Variants in SLC8A1 observed in about 807,000 individuals in gnomAD.
The protein encoded by SLC8A1 is solute carrier family 8 member A1.
A neutral mutation model predicts 68.3 loss-of-function variants in SLC8A1; 18 were observed. The ratio of observed to expected loss-of-function variants is 0.26; its 90% CI spans 0.18 to 0.39. SLC8A1 has a LOEUF of 0.39. Among genes scored for constraint, SLC8A1 ranks in the 10% least tolerant of loss-of-function variants. SLC8A1 has a pLI of 1.00. For synonymous variants in SLC8A1, 475 were observed against 415.5 expected, an observed-to-expected ratio of 1.14 and a Z score of -1.74; for missense variants, 985 against 1,156.7, an observed-to-expected ratio of 0.85 and a Z score of 2.15.
intron 2 of SLC8A1, among the ~76,000 whole-genome samples, chr2:40,253,015 GTATA>G (rs1280001234): frequency 6.6e-5 from 7 of 105,504 alleles, no homozygotes; most frequent in African/African-American, 2.1e-4. Context: ...ATATGTATCT[GTATA>G]TATGTATATA....
intron 1 of SLC8A1, among the ~76,000 whole-genome samples, chr2:40,492,257 T>G (rs1376006855): frequency 6.6e-6 from 1 of 152,162 alleles, no homozygotes; most frequent in Admixed American, 6.5e-5. Context: ...GATTCCCTAT[T>G]TTATAAATCG....
chr2:40,330,388 GT>G lies in SLC8A1; in HGVS notation c.1808+98084del, dbSNP rs558639751. ...TTTTACCTCTTTGAAAACTATGTGT[GT>G]TGTTGGACTAAACGTAAGAAAAGAA... On this transcript the variant is annotated intron_variant, in intron 2 of 7. Coordinates refer to ENST00000406785, the Ensembl canonical transcript of SLC8A1. 6.2e-4 allele frequency among the ~76,000 whole-genome samples: 94 copies of G among 152,266 alleles called. 1 individual carries two copies. In the South Asian group the frequency reaches 0.019, roughly 31 times the overall value.
At position 40,163,655 on chromosome 2, in the gene SLC8A1, C is replaced by G. The variant is rs111378872; in HGVS notation, c.2061+1199G>C. ...TGGGGGTCTAATGATCGGGGTCTGC[C>G]TAGAAAGCATTGGTTCCACTGTTTA... On this transcript the variant is annotated intron_variant, in intron 5 of 7. Transcript: ENST00000406785. Among the ~76,000 whole-genome samples the G allele has an allele frequency of 2.6e-3, 389 of 152,212 alleles. 1 individual carries two copies. Among genetic ancestry groups the G allele is most frequent in the African/African-American group, 8.8e-3 (364 of 41,558 alleles).
chr2:40,399,316 T>TC (rs1163674648), intron 2 of SLC8A1, among the ~76,000 whole-genome samples: 4 of 151,276 alleles, frequency 2.6e-5, no homozygotes, highest in African/African-American at 9.7e-5. Context: ...ACCCCTCGTC[T>TC]CCCCTACCCC....
chr2:40,308,902 T>A (rs996837307), intron 2 of SLC8A1, among the ~76,000 whole-genome samples: 1 of 152,186 alleles, frequency 6.6e-6, no homozygotes, highest in Non-Finnish European at 1.5e-5. Context: ...AGAGCATAAA[T>A]CTTCCTGGGG....
At chr2:40,388,761 C>A (rs2041763) in intron 2 of SLC8A1, among the ~76,000 whole-genome samples, 1 of 151,868 alleles carries the variant, frequency 6.6e-6, no homozygotes, top group Admixed American at 6.6e-5. Flanking sequence ...CTAAAACATT[C>A]TGTTAATTTT....
At chr2:40,137,777 A>G (rs1205063305) in intron 7 of SLC8A1, among the ~76,000 whole-genome samples, 1 of 152,086 alleles carries the variant, frequency 6.6e-6, no homozygotes, top group African/African-American at 2.4e-5. Flanking sequence ...GAACGACTTC[A>G]AACAGCCCTG....
At chr2:40,438,430 C>T (rs1320060493) in intron 1 of SLC8A1, among the ~76,000 whole-genome samples, 4 of 152,116 alleles carry the variant, frequency 2.6e-5, no homozygotes, top group Non-Finnish European at 4.4e-5. Context: ...AGGCAATGAA[C>T]CCTTCATTTA....
intron 1 of SLC8A1, among the ~76,000 whole-genome samples, chr2:40,457,136 T>C (rs1297561988): frequency 6.6e-6 from 1 of 152,212 alleles, no homozygotes; most frequent in Non-Finnish European, 1.5e-5. Context: ...AAATTTTGAT[T>C]GTCACATTAC....
At chr2:40,393,172 C>T (rs1489424543) in intron 2 of SLC8A1, among the ~76,000 whole-genome samples, 1 of 152,004 alleles carries the variant, frequency 6.6e-6, no homozygotes, top group Admixed American at 6.6e-5. Flanking sequence ...GTTACAAAAT[C>T]CAAAACATAC....
intron 2 of SLC8A1, 117 bp downstream of exon 2, chr2:40,428,356 T>C (rs1336251639): frequency 7.8e-6 from 11 of 1,406,192 alleles, no homozygotes; most frequent in Non-Finnish European, 1.0e-5. Flanking sequence ...ATAAAAGCTA[T>C]TCCATTCCTT....
chr2:40,346,564 T>C (rs1410028378), intron 2 of SLC8A1, among the ~76,000 whole-genome samples: 1 of 152,044 alleles, frequency 6.6e-6, no homozygotes, highest in Non-Finnish European at 1.5e-5. Flanking sequence ...CAAGCCTAAG[T>C]CAAGGTTTTA....
chr2:40,389,666 A>T (rs1158253803), intron 2 of SLC8A1, among the ~76,000 whole-genome samples: 1 of 151,842 alleles, frequency 6.6e-6, no homozygotes, highest in Non-Finnish European at 1.5e-5. Flanking sequence ...TGCCTTTCCA[A>T]TTCCCATGTC....
intron 2 of SLC8A1, among the ~76,000 whole-genome samples, chr2:40,239,908 G>A (rs1210261194): frequency 3.9e-5 from 6 of 152,138 alleles, no homozygotes; most frequent in African/African-American, 9.7e-5. Context: ...GAAACCGAAC[G>A]AATATCTTAA....
At chr2:40,322,463 G>A (rs2075311741) in intron 2 of SLC8A1, among the ~76,000 whole-genome samples, 1 of 143,674 alleles carries the variant, frequency 7.0e-6, no homozygotes. Context: ...TTCAAGGCCA[G>A]CTGGGCTACA....
intron 1 of SLC8A1, among the ~76,000 whole-genome samples, chr2:40,495,248 G>A (rs1397643359): frequency 6.6e-6 from 1 of 151,854 alleles, no homozygotes; most frequent in African/African-American, 2.4e-5. Flanking sequence ...AGTGTCAGGG[G>A]ATACATTTAA....
At chr2:40,323,381 G>A (rs987123393) in intron 2 of SLC8A1, among the ~76,000 whole-genome samples, 1 of 152,130 alleles carries the variant, frequency 6.6e-6, no homozygotes, top group African/African-American at 2.4e-5. Flanking sequence ...GAATTGTCAT[G>A]TCTGAATCTC....
chr2:40,357,271 C>T (rs1044290482), intron 2 of SLC8A1, among the ~76,000 whole-genome samples: 2 of 152,072 alleles, frequency 1.3e-5, no homozygotes, highest in African/African-American at 4.8e-5. Flanking sequence ...GCAGGAGGAT[C>T]CCTTGAGCCC....
chr2:40,500,382 C>A (rs1056749963), intron 1 of SLC8A1, among the ~76,000 whole-genome samples: 1 of 152,026 alleles, frequency 6.6e-6, no homozygotes, highest in Non-Finnish European at 1.5e-5. Context: ...TTACTATAAC[C>A]GTGGCTTCAA....
Sources: allele counts gnomAD v4.1 joint callset (sites outside exome capture counted in the v4.1 genomes callset), GRCh38; gene constraint gnomAD v4.1.1; transcripts MANE v1.5; gene names NCBI Gene and HGNC (gene_info 2026-07-23, HGNC 2026-07-21).